ASIC2: variants seen among roughly 807,000 people sequenced by gnomAD.
ASIC2 encodes acid-sensing ion channel 2.
A neutral mutation model predicts 57.3 loss-of-function variants in ASIC2; 25 were observed. That is an observed-to-expected ratio of 0.44 (90% confidence interval 0.32 to 0.61). ASIC2 has a LOEUF of 0.61. ASIC2 is among the 20% of genes least tolerant of loss of function. The probability of loss-of-function intolerance (pLI) is 0.06; values close to 1 mark genes in which losing one functional copy is unlikely to be tolerated. For missense variants in ASIC2, 641 were observed against 738.1 expected, an observed-to-expected ratio of 0.87 and a Z score of 1.52; for synonymous variants, 319 against 307.5, an observed-to-expected ratio of 1.04 and a Z score of -0.39.
At chr17:34,102,677 G>C (rs1225275574) in intron 1 of ASIC2, among the ~76,000 whole-genome samples, 2 of 152,174 alleles carry the variant, frequency 1.3e-5, no homozygotes, top group African/African-American at 2.4e-5. Flanking sequence ...CTGCTAAGTA[G>C]TATCACACTG....
At chr17:33,738,178 T>A (rs1456385747) in intron 1 of ASIC2, among the ~76,000 whole-genome samples, 1 of 152,128 alleles carries the variant, frequency 6.6e-6, no homozygotes, top group Non-Finnish European at 1.5e-5. Context: ...ACTTCTTCAT[T>A]GAGAGAACAT....
intron 1 of ASIC2, among the ~76,000 whole-genome samples, chr17:33,270,174 G>A (rs920874725): frequency 2.0e-5 from 3 of 151,996 alleles, no homozygotes; most frequent in Middle Eastern, 3.4e-3. Flanking sequence ...CTTTTTCTCC[G>A]ACCACCCACC....
intron 1 of ASIC2, among the ~76,000 whole-genome samples, chr17:33,193,725 G>A (rs1027526234): frequency 2.6e-5 from 4 of 152,144 alleles, no homozygotes; most frequent in Non-Finnish European, 4.4e-5. Flanking sequence ...AGAGAGTCCG[G>A]GCTGGAGAGG....
chr17:34,051,751 G>A (rs1264714827), intron 1 of ASIC2: 1 of 151,980 alleles, frequency 6.6e-6, no homozygotes, highest in African/African-American at 2.4e-5. Context: ...AAGGTAAAGA[G>A]AGAAAAATTA....
intron 1 of ASIC2, among the ~76,000 whole-genome samples, chr17:33,259,443 T>C (rs1427616492): frequency 6.6e-6 from 1 of 152,138 alleles, no homozygotes; most frequent in Non-Finnish European, 1.5e-5. Context: ...CAGTAACTAC[T>C]TGGTTCAGAA....
chr17:33,907,951 C>A (rs146505165), intron 1 of ASIC2, among the ~76,000 whole-genome samples: 2 of 152,288 alleles, frequency 1.3e-5, no homozygotes, highest in African/African-American at 4.8e-5. Context: ...AAAAATAGCA[C>A]CTACTCAGTG....
chr17:33,326,177 C>T (rs1907069458), intron 1 of ASIC2, among the ~76,000 whole-genome samples: 1 of 152,126 alleles, frequency 6.6e-6, no homozygotes, highest in African/African-American at 2.4e-5. Flanking sequence ...AGAATGATTT[C>T]AAATATGTCA....
intron 1 of ASIC2, among the ~76,000 whole-genome samples, chr17:33,992,103 A>C (rs1906016599): frequency 6.6e-6 from 1 of 152,078 alleles, no homozygotes; most frequent in Non-Finnish European, 1.5e-5. Flanking sequence ...CTCATTACCT[A>C]CTGTGATAGA....
At chr17:33,485,784 A>G (rs1480687798) in intron 1 of ASIC2, among the ~76,000 whole-genome samples, 1 of 152,196 alleles carries the variant, frequency 6.6e-6, no homozygotes, top group South Asian at 2.1e-4. Flanking sequence ...TTTAAATAAA[A>G]CACTCAGTGT....
intron 1 of ASIC2, among the ~76,000 whole-genome samples, chr17:34,117,173 T>C (rs1280517449): frequency 1.3e-5 from 2 of 152,154 alleles, no homozygotes; most frequent in African/African-American, 4.8e-5. Flanking sequence ...ACAGTCTTTA[T>C]ATAACATCTA....
At chr17:33,858,169 T>G in intron 1 of ASIC2, among the ~76,000 whole-genome samples, 1 of 152,204 alleles carries the variant, frequency 6.6e-6, no homozygotes, top group Non-Finnish European at 1.5e-5. Context: ...TCTACCCTGT[T>G]TCTGCCTCGT....
chr17:33,911,441 C>G (rs317338), intron 1 of ASIC2, among the ~76,000 whole-genome samples: 41,153 of 152,078 alleles, frequency 0.27, 5,742 homozygotes, highest in East Asian at 0.4. Context: ...GTATTCTCAT[C>G]GTCCAGAATG....
intron 1 of ASIC2, among the ~76,000 whole-genome samples, chr17:33,445,257 G>C (rs1165723564): frequency 6.6e-6 from 1 of 151,688 alleles, no homozygotes; most frequent in African/African-American, 2.4e-5. Flanking sequence ...GCAAAACCCT[G>C]TCTCTACTAA....
At chr17:33,592,620 T>C (rs1291093598) in intron 1 of ASIC2, among the ~76,000 whole-genome samples, 2 of 152,262 alleles carry the variant, frequency 1.3e-5, no homozygotes, top group African/African-American at 4.8e-5. Context: ...TAATTAGCTC[T>C]GTGTACGTGG....
intron 1 of ASIC2, among the ~76,000 whole-genome samples, chr17:33,879,312 C>A (rs1184868822): frequency 6.6e-6 from 1 of 152,126 alleles, no homozygotes; most frequent in African/African-American, 2.4e-5. Flanking sequence ...CACAGACTGG[C>A]AAATTGGATA....
At chr17:33,430,332 G>A (rs1477037968) in intron 1 of ASIC2, among the ~76,000 whole-genome samples, 1 of 152,152 alleles carries the variant, frequency 6.6e-6, no homozygotes, top group Admixed American at 6.5e-5. Context: ...CCAAATGCTC[G>A]ATGGGACTCC....
chr17:33,702,096 G>T (rs1268254948), intron 1 of ASIC2, among the ~76,000 whole-genome samples: 3 of 152,150 alleles, frequency 2.0e-5, no homozygotes, highest in African/African-American at 7.2e-5. Flanking sequence ...TCAATGTGAC[G>T]TCACAGACAA....
chr17:33,737,351 C>T (rs1452502462), intron 1 of ASIC2, among the ~76,000 whole-genome samples: 1 of 152,254 alleles, frequency 6.6e-6, no homozygotes, highest in Admixed American at 6.5e-5. Flanking sequence ...GGACCATGAC[C>T]TCAAACCATG....
intron 1 of ASIC2, among the ~76,000 whole-genome samples, chr17:33,246,286 G>C (rs1167652011): frequency 6.6e-6 from 1 of 152,138 alleles, no homozygotes; most frequent in African/African-American, 2.4e-5. Flanking sequence ...CTCAAGGTAT[G>C]GGGCAGATGG....
Sources: allele counts gnomAD v4.1 joint callset (sites outside exome capture counted in the v4.1 genomes callset), GRCh38; gene constraint gnomAD v4.1.1; transcripts MANE v1.5; gene names NCBI Gene and HGNC (gene_info 2026-07-23, HGNC 2026-07-21).